Variants in CFAP44 observed in about 807,000 individuals in gnomAD.
CFAP44 encodes the protein cilia and flagella associated protein 44.
A neutral mutation model predicts 216.2 loss-of-function variants in CFAP44; 134 were observed. The ratio of observed to expected loss-of-function variants is 0.62; its 90% CI spans 0.54 to 0.72. The LOEUF is 0.72. Ranked by LOEUF, CFAP44 falls within the 30% of genes least tolerant of loss-of-function variation. The probability of loss-of-function intolerance (pLI) is 0.00; values close to 1 mark genes in which losing one functional copy is unlikely to be tolerated. For synonymous variants in CFAP44, 700 were observed against 727.6 expected (o/e 0.96, Z 0.61); for missense variants, 2,035 against 2,182.1 (o/e 0.93, Z 1.34).
intron 1 of CFAP44, among the ~76,000 whole-genome samples, chr3:113,436,816 G>GT (rs377537690): frequency 8.5e-5 from 13 of 152,296 alleles, no homozygotes; most frequent in African/African-American, 3.1e-4. Context: ...ACTTTCTTCT[G>GT]TAAGTAGGTA....
chr3:113,378,681 T>G (rs929089969), intron 17 of CFAP44, among the ~76,000 whole-genome samples: 1 of 152,142 alleles, frequency 6.6e-6, no homozygotes, highest in Non-Finnish European at 1.5e-5. Flanking sequence ...TTCAAGCAAA[T>G]AGTAAAAAAT....
At chr3:113,440,793 T>C (rs1188338785) in intron 1 of CFAP44, among the ~76,000 whole-genome samples, 1 of 152,190 alleles carries the variant, frequency 6.6e-6, no homozygotes, top group African/African-American at 2.4e-5. Flanking sequence ...CTGTAGCTTA[T>C]TGCAGCCCAG....
chr3:113,369,484 T>C (rs1933075338), intron 18 of CFAP44, among the ~76,000 whole-genome samples: 1 of 152,124 alleles, frequency 6.6e-6, no homozygotes, highest in Non-Finnish European at 1.5e-5. Context: ...GACTACTGGG[T>C]AAATAACAAA....
At chr3:113,394,701 A>G (rs549679533) in intron 15 of CFAP44, among the ~76,000 whole-genome samples, 2 of 152,266 alleles carry the variant, frequency 1.3e-5, no homozygotes, top group Non-Finnish European at 2.9e-5. Flanking sequence ...AAAATACACT[A>G]ACACTAACAA....
chr3:113,333,464 T>C lies in CFAP44; in HGVS notation c.3557A>G (p.Glu1186Gly). Residue 1186 changes from glutamate (E) to glycine (G), a missense_variant, in exon 25 of 35, where the codon GAG becomes GGG. Transcript: ENST00000393845. The stretch of plus-strand genomic sequence containing the variant: ...CTTGGCAGCATTTATTCTCATGTGC[T>C]CAGGTATCTTGTAGTCTGGGGCTGT... The part of the protein sequence containing the change: ...LKTAPDYKIP[E>G]HMRINAAKKE... 3 of 1,537,146 alleles carry C rather than the reference T, an allele frequency of 2.0e-6. No homozygotes were observed. Among genetic ancestry groups the C allele is most frequent in the Non-Finnish European group, 2.6e-6 (3 of 1,146,870 alleles).
At chr3:113,400,679 G>T in intron 11 of CFAP44, 35 bp from the exon 12 acceptor site, 2 of 1,550,608 alleles carry the variant, frequency 1.3e-6, no homozygotes, top group Non-Finnish European at 1.8e-6. Context: ...AGATCTCAAA[G>T]ACAGAGTAAC....
intron 22 of CFAP44, among the ~76,000 whole-genome samples, chr3:113,347,965 C>A (rs1206566704): frequency 6.6e-6 from 1 of 152,158 alleles, no homozygotes; most frequent in Non-Finnish European, 1.5e-5. Context: ...GGCAAGAGTG[C>A]AGGTTTTCAA....
Position 113,401,627 on chromosome 3 carries a change from A to G in CFAP44, c.1283T>C (p.Met428Thr), listed in dbSNP as rs770812321. Residue 428 changes from methionine (M) to threonine (T), a missense_variant, in exon 10 of 35, where the codon ATG becomes ACG. Physicochemically the swap from Met to Thr is moderately conservative, Grantham distance 81. Around this residue, in one of 3 missense-constraint regions of CFAP44, gnomAD observed 1,883 missense variants for 2,023.7 expected, o/e 0.93. Transcript: ENST00000393845. The part of the protein sequence containing the change: ...QVDKNVNLFS[M>T]IKMNETGNNF... ...ATTTCCAGTTTCATTCATTTTTATC[A>G]TAGAGAAGAGATTCACATTCTTGTC... 18 of 1,613,432 alleles carry G rather than the reference A, an allele frequency of 1.1e-5. 1 individual carries two copies. The South Asian group carries it at 2.0e-4, about 18-fold the overall frequency.
intron 28 of CFAP44, among the ~76,000 whole-genome samples, chr3:113,314,509 C>T (rs568967824): frequency 5.9e-5 from 9 of 152,212 alleles, no homozygotes; most frequent in African/African-American, 2.2e-4. Flanking sequence ...ACCAGCATGC[C>T]TATCCTAAAA....
intron 6 of CFAP44, 25 bp from the exon 7 acceptor site, chr3:113,409,347 T>C (rs750320856): frequency 1.3e-6 from 2 of 1,590,836 alleles, no homozygotes; most frequent in Non-Finnish European, 1.7e-6. Flanking sequence ...GGAAGCCTAA[T>C]AAATAAGGAC....
At chr3:113,394,263 T>A (rs906421326) in intron 15 of CFAP44, among the ~76,000 whole-genome samples, 3 of 152,206 alleles carry the variant, frequency 2.0e-5, no homozygotes, top group African/African-American at 7.2e-5. Flanking sequence ...AACTATACCA[T>A]CACCACAAAG....
chr3:113,369,455 G>T (rs924661685), intron 18 of CFAP44, among the ~76,000 whole-genome samples: 7 of 152,210 alleles, frequency 4.6e-5, no homozygotes, highest in Non-Finnish European at 7.3e-5. Context: ...TGTGGAAACT[G>T]AACAACCTGC....
intron 33 of CFAP44, among the ~76,000 whole-genome samples, chr3:113,296,420 T>A (rs1354742635): frequency 1.3e-5 from 2 of 152,192 alleles, no homozygotes; most frequent in Non-Finnish European, 2.9e-5. Flanking sequence ...TGCAGAGCAT[T>A]TATACATTAA....
At chr3:113,353,001 G>A (rs982404529) in intron 22 of CFAP44, among the ~76,000 whole-genome samples, 6 of 152,162 alleles carry the variant, frequency 3.9e-5, no homozygotes, top group Non-Finnish European at 7.3e-5. Flanking sequence ...CCCAGATCAG[G>A]GACGGAAAGC....
chr3:113,431,167 C>T (rs1305534520), intron 2 of CFAP44, among the ~76,000 whole-genome samples: 1 of 152,058 alleles, frequency 6.6e-6, no homozygotes, highest in Admixed American at 6.6e-5. Context: ...CAGCTATGAT[C>T]AGGTATGAGG....
intron 5 of CFAP44, among the ~76,000 whole-genome samples, chr3:113,418,110 GACTCTGTC>G (rs1403092604): frequency 6.9e-6 from 1 of 145,272 alleles, no homozygotes; most frequent in Non-Finnish European, 1.5e-5. Flanking sequence ...TATTTATTGA[GACTCTGTC>G]ACTCTGTCAC....
Position 113,401,594 on chromosome 3 carries a change from C to A in CFAP44, c.1316G>T (p.Trp439Leu), listed in dbSNP as rs939270171. Reference sequence around the variant, plus strand: ...AAGAATGCAACACACCTGAGCCAACCAAAAGTTATTTCCAGTTTCATTCAT... The same window carrying A: ...AAGAATGCAACACACCTGAGCCAACAAAAAGTTATTTCCAGTTTCATTCAT... ...IKMNETGNNF[W>L]LAQDANGAIW... The change falls in exon 10 of 35, where the codon TGG (tryptophan) becomes TTG (leucine). Residue 439 changes from tryptophan (W) to leucine (L), a missense_variant. Transcript: ENST00000393845. 3 of 1,612,966 alleles carry A rather than the reference C, an allele frequency of 1.9e-6. No homozygotes were observed. The highest frequency in any genetic ancestry group is 2.5e-6 in the Non-Finnish European group (3 of 1,179,626).
At chr3:113,362,047 A>G (rs1207256684) in intron 21 of CFAP44, among the ~76,000 whole-genome samples, 1 of 151,642 alleles carries the variant, frequency 6.6e-6, no homozygotes, top group East Asian at 2.0e-4. Flanking sequence ...TGCTGCAAGA[A>G]TATGTTTTTC....
At chr3:113,291,861 C>T (rs1949832729) in intron 34 of CFAP44, 113 bp from the exon 35 acceptor site, 1 of 1,163,736 alleles carries the variant, frequency 8.6e-7, no homozygotes. Context: ...CCTAAACAGC[C>T]ACTGTTCCTT....
Sources: allele counts gnomAD v4.1 joint callset (sites outside exome capture counted in the v4.1 genomes callset), GRCh38; gene constraint gnomAD v4.1.1; regional missense constraint gnomAD v4.1.1; transcripts MANE v1.5; gene names NCBI Gene and HGNC (gene_info 2026-07-23, HGNC 2026-07-21).